The following USP36 variants were observed in gnomAD, a reference collection of about 807,000 sequenced individuals.
USP36 encodes the protein ubiquitin carboxyl-terminal hydrolase 36.
In USP36, 59 loss-of-function variants were observed where a neutral mutation model predicts 111.5. That is an observed-to-expected ratio of 0.53 (90% confidence interval 0.43 to 0.66). The LOEUF (loss-of-function observed/expected upper bound fraction) is 0.66, where lower values mean the gene tolerates loss of function less well. Among genes scored for constraint, USP36 ranks in the 30% least tolerant of loss-of-function variants. USP36 has a pLI of 0.00. For synonymous variants in USP36, 628 were observed against 581.0 expected (o/e 1.08, Z -1.16); for missense variants, 1,488 against 1,468.0 (o/e 1.01, Z -0.22).
Position 78,819,865 on chromosome 17 carries a change from G to A in USP36, c.911+65C>T, listed in dbSNP as rs1323165506. ...AGGAAGAGTGGGTGGGCACAACACT[G>A]TCAGGTGAGGGGACTTATTTCCCGT... On this transcript the variant is annotated intron_variant, in intron 9 of 20. Coordinates refer to ENST00000449938, the MANE Select transcript of USP36 (RefSeq NM_001385174.1). 4 of 1,535,584 alleles carry A rather than the reference G, an allele frequency of 2.6e-6. No homozygotes were observed. The Admixed American group carries it at 6.7e-5, about 26-fold the overall frequency.
intron 6 of USP36, 156 bp downstream of exon 6, chr17:78,827,089 A>T (rs1206854858): frequency 1.2e-6 from 1 of 812,604 alleles, no homozygotes; most frequent in South Asian, 1.4e-5. Flanking sequence ...TTTGGGCTCC[A>T]ACAGTTTGAG....
At position 78,814,347 on chromosome 17, in the gene USP36, A is replaced by G. The variant is rs2094133678; in HGVS notation, c.1164+65T>C. 8.8e-6 allele frequency: 14 copies of G among 1,595,692 alleles called. No homozygotes were observed. The South Asian group carries it at 1.4e-4, about 16-fold the overall frequency. On this transcript the variant is annotated intron_variant, in intron 11 of 20. Transcript: ENST00000449938. ...AAAGTAAGTGCTCTACAGAGGCCGC[A>G]TCTGGATGTGCATGGGTGCTGAAAC...
downstream of USP36, among the ~76,000 whole-genome samples, chr17:78,793,485 C>T (rs997333153): frequency 1.3e-5 from 2 of 152,154 alleles, no homozygotes; most frequent in African/African-American, 4.8e-5. Flanking sequence ...ATGGAAGGAG[C>T]AGGGGGCCAA....
At chr17:78,806,905 C>T in intron 14 of USP36, 54 bp downstream of exon 14, 2 of 1,582,466 alleles carry the variant, frequency 1.3e-6, no homozygotes, top group African/African-American at 1.3e-5. Flanking sequence ...CACAACCAAG[C>T]AACTCTTGGA....
chr17:78,808,877 T>A (rs2093981863), intron 13 of USP36, among the ~76,000 whole-genome samples: 1 of 152,070 alleles, frequency 6.6e-6, no homozygotes, highest in Non-Finnish European at 1.5e-5. Flanking sequence ...TTTGTTGAGC[T>A]TTTCCTGTAC....
chr17:78,816,986 C>T (rs2094204346), intron 10 of USP36, among the ~76,000 whole-genome samples: 3 of 152,170 alleles, frequency 2.0e-5, no homozygotes. Context: ...CGTCACATAC[C>T]ATCAGTCATG....
At chr17:78,816,806 A>T (rs1282901322) in intron 10 of USP36, among the ~76,000 whole-genome samples, 1 of 152,088 alleles carries the variant, frequency 6.6e-6, no homozygotes, top group Non-Finnish European at 1.5e-5. Context: ...GAGTTGTGGG[A>T]TTTGTTGAAA....
At chr17:78,810,229 C>T (rs962556646) in intron 13 of USP36, among the ~76,000 whole-genome samples, 1 of 151,948 alleles carries the variant, frequency 6.6e-6, no homozygotes, top group Non-Finnish European at 1.5e-5. Context: ...TTCAAGTGAT[C>T]CTCCCCCAAC....
intron 14 of USP36, 36 bp downstream of exon 14, chr17:78,806,923 T>C: frequency 6.2e-7 from 1 of 1,604,722 alleles, no homozygotes; most frequent in South Asian, 1.1e-5. Context: ...GGAGCTCTCC[T>C]GATACACAGC....
intron 1 of USP36, 174 bp downstream of exon 1, chr17:78,840,562 G>A (rs976672978): frequency 6.6e-6 from 1 of 152,270 alleles, no homozygotes; most frequent in African/African-American, 2.4e-5. Flanking sequence ...AGCGGGCGGA[G>A]CATCCCGGGT....
At chr17:78,820,675 C>A (rs1460772948) in intron 8 of USP36, among the ~76,000 whole-genome samples, 2 of 152,208 alleles carry the variant, frequency 1.3e-5, no homozygotes, top group African/African-American at 4.8e-5. Flanking sequence ...ACAGAGCCAC[C>A]AAGCTCCAAA....
At chr17:78,807,770 T>C in intron 13 of USP36, 134 bp from the exon 14 acceptor site, 1 of 922,300 alleles carries the variant, frequency 1.1e-6, no homozygotes, top group African/African-American at 1.7e-5. Flanking sequence ...ATTATTTATC[T>C]GGACTCTTGG....
intron 2 of USP36, 130 bp from the exon 3 acceptor site, chr17:78,836,502 TG>T: frequency 8.3e-7 from 1 of 1,205,312 alleles, no homozygotes; most frequent in Non-Finnish European, 1.1e-6. Flanking sequence ...AGTGATCCCC[TG>T]GATCAGCTGC....
chr17:78,798,199 G>T lies in USP36; in HGVS notation c.*20+201C>A. The T allele has an allele frequency of 1.7e-6, 1 of 588,610 alleles. No individual in the cohort carries two copies. 36.5% of individuals were successfully genotyped at this position (588,610 alleles called of 1,614,324 possible). ...CCCACACACACCCCCTTATACACAC[G>T]CATCCCACACACACCCTTCTCCAAG... is the stretch of plus-strand genomic sequence containing the variant. On this transcript the variant is annotated intron_variant, in intron 20 of 20. Coordinates refer to ENST00000449938, the MANE Select transcript of USP36 (RefSeq NM_001385174.1). The surrounding 1 kb of genome is among the most constrained non-coding windows in gnomAD (Gnocchi z 5.1).
chr17:78,798,141 AC>A lies in USP36; in HGVS notation c.*20+258del. The A allele has an allele frequency of 2.1e-6, 1 of 477,690 alleles. No homozygotes were observed. The highest frequency in any genetic ancestry group is 3.8e-6 in the Non-Finnish European group (1 of 264,420). The allele number at this position is 477,690 out of a possible 1,614,324, so 29.6% of individuals were successfully genotyped here. A position where few individuals can be genotyped will look rare whatever the true frequency, so the allele number is the denominator to read the frequency against. On this transcript the variant is annotated intron_variant, in intron 20 of 20. Transcript: ENST00000449938. This position sits in a 1 kb window ranked among gnomAD's most constrained non-coding sequence, Gnocchi z 5.1. ...CAGGTGTACACACCCCACACCCAACACACACTACACACACCCCCTTATACAC... is the reference window on the plus strand; with the variant it reads ...CAGGTGTACACACCCCACACCCAACAACACTACACACACCCCCTTATACAC...
At chr17:78,790,320 T>G (rs554282909) in intron 3 of USP36, among the ~76,000 whole-genome samples, 21 of 152,088 alleles carry the variant, frequency 1.4e-4, no homozygotes, top group Admixed American at 1.4e-3. Flanking sequence ...AGACAGAGTC[T>G]CACTCTGTCA....
intron 7 of USP36, 108 bp downstream of exon 7, chr17:78,821,829 G>A: frequency 7.8e-7 from 1 of 1,283,722 alleles, no homozygotes; most frequent in Non-Finnish European, 1.1e-6. Flanking sequence ...GACTGACCCA[G>A]GTCTGCACAG....
At chr17:78,822,670 C>T (rs7218057) in intron 6 of USP36, among the ~76,000 whole-genome samples, 12,149 of 152,256 alleles carry the variant, frequency 0.08, 1,574 homozygotes, top group African/African-American at 0.28. Context: ...GGCTGCCTGG[C>T]GCCTCCCACG....
At chr17:78,838,437 A>G (rs2068917464) in intron 2 of USP36, 150 bp downstream of exon 2, 1 of 152,130 alleles carries the variant, frequency 6.6e-6, no homozygotes, top group South Asian at 2.1e-4. Flanking sequence ...ATTTAAAAAA[A>G]AGCATTATAA....
Sources: gnomAD v4.1 joint callset for allele counts (sites outside exome capture counted in the v4.1 genomes callset) on GRCh38, gnomAD v4.1.1 for gene constraint, Gnocchi (gnomAD v3.1) non-coding constraint, MANE v1.5 for transcripts, NCBI Gene and HGNC (gene_info 2026-07-23, HGNC 2026-07-21) for gene names.